The following RAD18 variants were observed in gnomAD, a reference collection of about 807,000 sequenced individuals.
RAD18 encodes the protein RAD18 E3 ubiquitin protein ligase, also known as E3 ubiquitin-protein ligase RAD18.
Under a neutral mutation model 60.4 loss-of-function variants are expected in RAD18, and 47 were observed. The observed-to-expected ratio is 0.78, with a 90% CI of 0.62 to 0.99. The LOEUF (loss-of-function observed/expected upper bound fraction) is 0.99, where lower values mean the gene tolerates loss of function less well. RAD18 is among the 50% of genes least tolerant of loss of function. The probability of loss-of-function intolerance (pLI) is 0.00; values close to 1 mark genes in which losing one functional copy is unlikely to be tolerated. For missense variants in RAD18, 640 were observed against 593.3 expected (o/e 1.08, Z -0.82); for synonymous variants, 225 against 195.5 (o/e 1.15, Z -1.26).
intron 9 of RAD18, among the ~76,000 whole-genome samples, chr3:8,906,794 G>T (rs115159059): frequency 1.4e-5 from 2 of 144,634 alleles, no homozygotes; most frequent in South Asian, 2.2e-4. Context: ...GGGGGAAACA[G>T]TTTTTTTTTT....
intron 9 of RAD18, among the ~76,000 whole-genome samples, chr3:8,904,783 G>T (rs894089952): frequency 1.3e-5 from 2 of 152,198 alleles, no homozygotes; most frequent in Non-Finnish European, 2.9e-5. Context: ...GTTAGACCAG[G>T]TCTAAGCTAT....
chr3:8,917,381 G>A (rs1940222506), intron 7 of RAD18, among the ~76,000 whole-genome samples: 1 of 152,128 alleles, frequency 6.6e-6, no homozygotes, highest in Admixed American at 6.5e-5. Context: ...TGGTAAACAT[G>A]AAGATAAGTA....
At chr3:8,920,642 T>C (rs1389308236) in intron 7 of RAD18, among the ~76,000 whole-genome samples, 1 of 138,972 alleles carries the variant, frequency 7.2e-6, no homozygotes, top group African/African-American at 2.5e-5. Flanking sequence ...CTAGATGTAA[T>C]ATTCCGAAGA....
intron 4 of RAD18, among the ~76,000 whole-genome samples, chr3:8,945,862 A>C (rs532093799): frequency 6.6e-6 from 1 of 152,370 alleles, no homozygotes; most frequent in East Asian, 1.9e-4. Flanking sequence ...GATATAAAGA[A>C]AGATGCTTAT....
At position 8,941,692 on chromosome 3, in the gene RAD18, T is replaced by G; in HGVS notation, c.379A>C (p.Lys127Gln). The change falls in exon 5 of 13, where the codon AAG becomes CAG. Residue 127 changes from lysine to glutamine, a missense_variant. By Grantham distance (53) the Lys-to-Gln change is moderately conservative. Transcript: ENST00000264926. Reference protein sequence around the residue: ...YTPVASRQSLKQGSRLMDNFL... With the variant: ...YTPVASRQSLQQGSRLMDNFL... ...TTATCCATTAACCTGCTCCCCTGCT[T>G]TAAAGACTGTCTGGAGGCTACAGGA... 1 of 1,614,146 alleles carries G rather than the reference T, an allele frequency of 6.2e-7. No homozygotes were observed. The highest frequency in any genetic ancestry group is 8.5e-7 in the Non-Finnish European group (1 of 1,179,994).
rs537169748 is a variant in RAD18 at position 8,936,469 on chromosome 3, A to G, written c.705-414T>C. On this transcript the variant is annotated intron_variant, in intron 6 of 12. Transcript: ENST00000264926. ...AGTGGGCTAAAATTCAAGCTACATA[A>G]AAGTACCAATGACTTAAGCAATTCC... is the stretch of plus-strand genomic sequence containing the variant. Among the ~76,000 whole-genome samples, 14 of 152,358 alleles carry G rather than the reference A, an allele frequency of 9.2e-5. No homozygotes were observed. The South Asian group carries it at 2.7e-3, about 29-fold the overall frequency.
intron 7 of RAD18, among the ~76,000 whole-genome samples, chr3:8,922,727 G>A (rs1940347153): frequency 6.6e-6 from 1 of 152,180 alleles, no homozygotes; most frequent in African/African-American, 2.4e-5. Flanking sequence ...ACTTCCAGAG[G>A]AACAATCAGG....
At chr3:8,906,794 GTT>G (rs369984359) in intron 9 of RAD18, among the ~76,000 whole-genome samples, 16 of 144,634 alleles carry the variant, frequency 1.1e-4, no homozygotes, top group Non-Finnish European at 2.3e-4. Context: ...GGGGGAAACA[GTT>G]TTTTTTTTTT....
intron 7 of RAD18, among the ~76,000 whole-genome samples, chr3:8,917,854 A>C (rs1276925679): frequency 1.3e-5 from 2 of 152,162 alleles, no homozygotes; most frequent in Non-Finnish European, 2.9e-5. Flanking sequence ...AAAAAGCAAG[A>C]CCAAACTATA....
chr3:8,936,242 GC>G (rs1031368823), intron 6 of RAD18, among the ~76,000 whole-genome samples, 187 bp from the exon 7 acceptor site: 4 of 152,218 alleles, frequency 2.6e-5, no homozygotes, highest in African/African-American at 9.7e-5. Context: ...TATCTGAGGT[GC>G]TGGTAAGACA....
At position 8,951,037 on chromosome 3, in the gene RAD18, T is replaced by C. The variant is rs1438798528; in HGVS notation, c.134-2467A>G. Among the ~76,000 whole-genome samples, 6 of 151,950 alleles carry C rather than the reference T, an allele frequency of 3.9e-5. 1 individual carries two copies. In the South Asian group the frequency reaches 1.2e-3, roughly 32 times the overall value. On this transcript the variant is annotated intron_variant, in intron 2 of 12. Transcript: ENST00000264926. ...AACTGCAGGATGACTACAAAAGATG[T>C]AACATACACATAATGGGAATACCAG...
At chr3:8,924,189 T>C (rs1164384128) in intron 7 of RAD18, among the ~76,000 whole-genome samples, 1 of 151,626 alleles carries the variant, frequency 6.6e-6, no homozygotes, top group African/African-American at 2.4e-5. Flanking sequence ...GAGACACACA[T>C]AGGCTCAAAA....
At chr3:8,933,854 C>T (rs374679) in intron 7 of RAD18, among the ~76,000 whole-genome samples, 104,034 of 152,074 alleles carry the variant, frequency 0.68, 36,180 homozygotes, top group Middle Eastern at 0.77. Flanking sequence ...CCTCAATAAA[C>T]AAAACTGGAA....
chr3:8,905,589 TAGCCAACC>T (rs1939989596), intron 9 of RAD18, among the ~76,000 whole-genome samples: 1 of 152,246 alleles, frequency 6.6e-6, no homozygotes, highest in Non-Finnish European at 1.5e-5. Flanking sequence ...TCACCTATGA[TAGCCAACC>T]AGCTAAATGT....
intron 4 of RAD18, among the ~76,000 whole-genome samples, chr3:8,945,468 C>CTTTTTTTTTTTTTT (rs375744764): frequency 1.0e-5 from 1 of 96,372 alleles, no homozygotes; most frequent in Non-Finnish European, 2.0e-5. Flanking sequence ...TTTCCATCTT[C>CTTTTTTTTTTTTTT]TTTTTTTTTT....
chr3:8,921,675 T>G (rs192039107), intron 7 of RAD18, among the ~76,000 whole-genome samples: 1 of 151,840 alleles, frequency 6.6e-6, no homozygotes, highest in East Asian at 1.9e-4. Context: ...AAATAAAGTT[T>G]TTCAGGAAAT....
chr3:8,886,522 T>C (rs1292162192), intron 12 of RAD18, among the ~76,000 whole-genome samples: 2 of 152,232 alleles, frequency 1.3e-5, no homozygotes, highest in African/African-American at 2.4e-5. Flanking sequence ...TCAGATCCCA[T>C]AAACACTGAC....
chr3:8,913,702 T>C lies in RAD18; in HGVS notation c.908A>G (p.Glu303Gly), dbSNP rs1202858558. ...HPKSAAEIVR[E>G]IENIEKTRMR... Reference sequence around the variant, plus strand: ...CCTAGTCTTCTCTATATTTTCGATTTCTCGAACTATTTCAGCAGCTGTTAA... The same window carrying C: ...CCTAGTCTTCTCTATATTTTCGATTCCTCGAACTATTTCAGCAGCTGTTAA... The change falls in exon 8 of 13, where the codon GAA becomes GGA. Residue 303 changes from glutamate to glycine, a missense_variant. Glu to Gly is a moderately conservative substitution (Grantham distance 98). Transcript: ENST00000264926. 1 of 1,573,052 alleles carries C rather than the reference T, an allele frequency of 6.4e-7. No individual in the cohort carries two copies. Among genetic ancestry groups the C allele is most frequent in the South Asian group, 1.2e-5 (1 of 84,984 alleles).
intron 2 of RAD18, among the ~76,000 whole-genome samples, chr3:8,953,169 T>C (rs867709526): frequency 1.0e-4 from 15 of 150,664 alleles, no homozygotes; most frequent in Non-Finnish European, 1.3e-4. Flanking sequence ...TATATAAATA[T>C]GTACTATGTA....
Sources: allele counts gnomAD v4.1 joint callset (sites outside exome capture counted in the v4.1 genomes callset), GRCh38; gene constraint gnomAD v4.1.1; transcripts MANE v1.5; gene names NCBI Gene and HGNC (gene_info 2026-07-23, HGNC 2026-07-21).